The following ITPRID1 variants were observed in gnomAD, a reference collection of about 807,000 sequenced individuals.
The protein encoded by ITPRID1 is protein ITPRID1.
Under a neutral mutation model 95.4 loss-of-function variants are expected in ITPRID1, and 96 were observed. The observed-to-expected ratio is 1.01, with a 90% CI of 0.85 to 1.19. The LOEUF (loss-of-function observed/expected upper bound fraction) is 1.19. Ranked by LOEUF, ITPRID1 falls within the 50% of genes most tolerant of loss-of-function variation. The pLI is 0.00. For missense variants in ITPRID1, 1,339 were observed against 1,252.9 expected (o/e 1.07, Z -1.04); for synonymous variants, 510 against 453.6 (o/e 1.12, Z -1.58).
chr7:31,651,150 C>T lies in ITPRID1; in HGVS notation c.2592C>T (p.Val864=), dbSNP rs1238750330. 17 of 1,613,058 alleles carry T rather than the reference C, an allele frequency of 1.1e-5. No homozygotes were observed. The highest frequency in any genetic ancestry group is 1.3e-5 in the Non-Finnish European group (15 of 1,179,386). The change falls in exon 13 of 15, where the codon GTC becomes GTT. Residue 864 remains valine, a synonymous_variant. Transcript: ENST00000615280. ...TTTCTCATTGTTCTCAGTGCACAGT[C>T]CATGAGATGGAAGCCATGAAGACGA... ...TTVRELCSCT[V]HEMEAMKTIC... is the part of the protein sequence containing the mutation.
chr7:31,646,760 G>A (rs951592491), intron 12 of ITPRID1, among the ~76,000 whole-genome samples: 6 of 152,188 alleles, frequency 3.9e-5, no homozygotes, highest in Middle Eastern at 3.2e-3. Flanking sequence ...GTCCTCAGAC[G>A]TGGGTAGATT....
Position 31,652,021 on chromosome 7 carries a change from G to C in ITPRID1, c.2794G>C (p.Ala932Pro). The stretch of plus-strand genomic sequence containing the variant: ...GTTGGAATTTCAGTTAGGAGACCGG[G>C]CTCAGCAAATCAGAGAAGGGATTTT... Reference protein sequence around the residue: ...AELEFQLGDRAQQIREGILLQ... With the variant: ...AELEFQLGDRPQQIREGILLQ... Residue 932 changes from alanine to proline, a missense_variant, in exon 14 of 15, where the codon GCT (alanine) becomes CCT (proline). Transcript: ENST00000615280. 2 of 1,602,808 alleles carry C rather than the reference G, an allele frequency of 1.2e-6. No homozygotes were observed. The highest frequency in any genetic ancestry group is 1.7e-6 in the Non-Finnish European group (2 of 1,174,866).
At chr7:31,529,541 T>G (rs1015815661) in intron 1 of ITPRID1, 3 of 457,576 alleles carry the variant, frequency 6.6e-6, no homozygotes, top group African/African-American at 5.9e-5. Context: ...TTTACCACTT[T>G]CTTTCTTGTA....
chr7:31,527,388 C>A (rs1443323097), intron 1 of ITPRID1, among the ~76,000 whole-genome samples: 1 of 152,192 alleles, frequency 6.6e-6, no homozygotes, highest in Non-Finnish European at 1.5e-5. Flanking sequence ...ACTGTCAAAT[C>A]TCTTAGCTTT....
chr7:31,644,244 G>A (rs1166177915), intron 12 of ITPRID1, among the ~76,000 whole-genome samples: 1 of 152,164 alleles, frequency 6.6e-6, no homozygotes, highest in Admixed American at 6.5e-5. Context: ...TATGTCTAAG[G>A]TTATAAGCAT....
intron 10 of ITPRID1, among the ~76,000 whole-genome samples, chr7:31,640,636 G>A (rs1356977649): frequency 1.4e-5 from 2 of 140,836 alleles, no homozygotes; most frequent in Non-Finnish European, 3.2e-5. Context: ...CCATTGTCTC[G>A]AAAAACTTTT....
Position 31,613,872 on chromosome 7 carries a change from A to G in ITPRID1, c.1229-28304A>G, listed in dbSNP as rs528833408. 5.6e-4 allele frequency among the ~76,000 whole-genome samples: 86 copies of G among 152,306 alleles called. 1 individual carries two copies. Among genetic ancestry groups the G allele is most frequent in the African/African-American group, 1.9e-3 (78 of 41,556 alleles). ...TTTGTGTTATTCTTGCTTGAATACTATGTTATGAGAGCTTGAATATTTGCT... is the reference window on the plus strand; with the variant it reads ...TTTGTGTTATTCTTGCTTGAATACTGTGTTATGAGAGCTTGAATATTTGCT... On this transcript the variant is annotated intron_variant, in intron 10 of 14. Coordinates refer to ENST00000615280, the MANE Select transcript of ITPRID1 (RefSeq NM_001257967.3).
Position 31,652,591 on chromosome 7 carries a change from G to C in ITPRID1, c.2897G>C (p.Ser966Thr). The C allele has an allele frequency of 1.9e-6, 3 of 1,612,722 alleles. No homozygotes were observed. The highest frequency in any genetic ancestry group is 2.5e-6 in the Non-Finnish European group (3 of 1,179,384). ...NLHQYNWIEE[S>T]NGQTSCSKIH... ...CATCAATATAACTGGATAGAAGAAA[G>C]CAATGGGCAGACTTCATGTTCTAAA... The change falls in exon 15 of 15, where the codon AGC (serine) becomes ACC (threonine). Residue 966 changes from serine to threonine, a missense_variant. Transcript: ENST00000615280.
At chr7:31,624,504 A>G (rs2128184171) in intron 10 of ITPRID1, among the ~76,000 whole-genome samples, 1 of 78,410 alleles carries the variant, frequency 1.3e-5, no homozygotes, top group African/African-American at 4.1e-5. Flanking sequence ...CAAACCTGAG[A>G]AAAACAAGCA....
At chr7:31,595,907 T>C (rs1380978717) in intron 10 of ITPRID1, among the ~76,000 whole-genome samples, 1 of 151,844 alleles carries the variant, frequency 6.6e-6, no homozygotes, top group Non-Finnish European at 1.5e-5. Context: ...AGAAATGTAG[T>C]CACTGATATA....
intron 12 of ITPRID1, 106 bp downstream of exon 12, chr7:31,644,059 T>G: frequency 9.9e-7 from 1 of 1,013,036 alleles, no homozygotes; most frequent in East Asian, 2.5e-5. Flanking sequence ...CAGGGCAAAC[T>G]TTTCTATTTT....
At chr7:31,623,461 A>G (rs1788121294) in intron 10 of ITPRID1, among the ~76,000 whole-genome samples, 1 of 151,916 alleles carries the variant, frequency 6.6e-6, no homozygotes, top group Admixed American at 6.6e-5. Context: ...TACGCAAATC[A>G]ATAAATGTAA....
chr7:31,625,964 TAATA>T (rs1254418350), intron 10 of ITPRID1, among the ~76,000 whole-genome samples: 2 of 152,208 alleles, frequency 1.3e-5, no homozygotes, highest in Admixed American at 6.5e-5. Flanking sequence ...AATTTGGTGA[TAATA>T]AATATCTTCA....
At chr7:31,658,262 C>G (rs1363972884), downstream of ITPRID1, 3 of 1,493,382 alleles carry the variant, frequency 2.0e-6, no homozygotes, top group Non-Finnish European at 2.6e-6. Context: ...AACACATATT[C>G]TCTTATAGGT....
At chr7:31,559,269 T>C (rs1186215818) in intron 5 of ITPRID1, among the ~76,000 whole-genome samples, 1 of 152,222 alleles carries the variant, frequency 6.6e-6, no homozygotes, top group Non-Finnish European at 1.5e-5. Flanking sequence ...TTCAATACTT[T>C]CTGAGCATCA....
chr7:31,552,717 C>G (rs1472629614), intron 2 of ITPRID1, among the ~76,000 whole-genome samples: 2 of 152,176 alleles, frequency 1.3e-5, no homozygotes, highest in Non-Finnish European at 2.9e-5. Context: ...TGCTCTCCGT[C>G]CACATCCCAG....
Position 31,656,392 on chromosome 7 carries a change from C to A in ITPRID1, c.*3563C>A. On this transcript the variant is annotated 3_prime_UTR_variant, in exon 15 of 15. Transcript: ENST00000615280. ...ATAGAGTTGTTGGACAGAATAAATA[C>A]CATGAATCCTGTGCAGTGTTTAATC... The A allele has an allele frequency of 2.3e-6, 1 of 439,218 alleles. No individual in the cohort carries two copies. Among genetic ancestry groups the A allele is most frequent in the Non-Finnish European group, 3.0e-6 (1 of 331,268 alleles). The allele number at this position is 439,218 out of a possible 1,614,324, so 27.2% of individuals were successfully genotyped here.
intron 10 of ITPRID1, among the ~76,000 whole-genome samples, chr7:31,601,720 C>T (rs1460793514): frequency 1.3e-5 from 2 of 152,184 alleles, no homozygotes; most frequent in African/African-American, 4.8e-5. Context: ...TCTACCGTCA[C>T]TGAGAAGAGG....
chr7:31,531,564 C>G (rs541540408), intron 1 of ITPRID1, among the ~76,000 whole-genome samples: 1 of 152,188 alleles, frequency 6.6e-6, no homozygotes, highest in South Asian at 2.1e-4. Flanking sequence ...TCAGGTGAGA[C>G]ACAATGAAGC....
Sources: allele counts gnomAD v4.1 joint callset (sites outside exome capture counted in the v4.1 genomes callset), GRCh38; gene constraint gnomAD v4.1.1; transcripts MANE v1.5; gene names NCBI Gene and HGNC (gene_info 2026-07-23, HGNC 2026-07-21).